Variants in GALNTL6 observed in about 807,000 individuals in gnomAD.
GALNTL6 encodes polypeptide N-acetylgalactosaminyltransferase-like 6.
In GALNTL6, 46 loss-of-function variants were observed where a neutral mutation model predicts 73.7. That is an observed-to-expected ratio of 0.62 (90% CI 0.49 to 0.80). The LOEUF (loss-of-function observed/expected upper bound fraction) is 0.80, where lower values mean the gene tolerates loss of function less well. Among genes scored for constraint, GALNTL6 ranks in the 30% least tolerant of loss-of-function variants. The probability of loss-of-function intolerance (pLI) is 0.00; values close to 1 mark genes in which losing one functional copy is unlikely to be tolerated. For missense variants in GALNTL6, 604 were observed against 755.0 expected, an observed-to-expected ratio of 0.80 and a Z score of 2.34; for synonymous variants, 259 against 263.7, an observed-to-expected ratio of 0.98 and a Z score of 0.17.
chr4:172,107,750 A>G (rs1339916604), intron 2 of GALNTL6, among the ~76,000 whole-genome samples: 2 of 151,778 alleles, frequency 1.3e-5, no homozygotes, highest in African/African-American at 2.4e-5. Context: ...TGGGTGCAGC[A>G]CACCAACATG....
rs185982102 is a variant in GALNTL6 at position 172,143,101 on chromosome 4, A to G, written c.139-86555A>G. 2.6e-5 allele frequency among the ~76,000 whole-genome samples: 4 copies of G among 152,154 alleles called. No individual in the cohort carries two copies. The East Asian group carries it at 7.7e-4, about 29-fold the overall frequency. On this transcript the variant is annotated intron_variant, in intron 2 of 12. Transcript: ENST00000506823. ...TTGGATACTGGAGAAATAGCAAGAA[A>G]ATCAATCAAGTCCCTGTATTTAGGG...
Position 173,021,678 on chromosome 4 carries a change from C to T in GALNTL6, c.1638+53C>T, listed in dbSNP as rs2126516300. On this transcript the variant is annotated intron_variant, in intron 12 of 12. Transcript: ENST00000506823. ...TCAAATTACTGTGGTTTAAGTTATT[C>T]TTACTCAGTTTTCTTTGAAAACACA... 3 of 1,581,150 alleles carry T rather than the reference C, an allele frequency of 1.9e-6. No homozygotes were observed. The East Asian group carries it at 6.8e-5, about 36-fold the overall frequency.
chr4:171,847,866 C>T (rs1314884500), intron 2 of GALNTL6, among the ~76,000 whole-genome samples: 2 of 152,142 alleles, frequency 1.3e-5, no homozygotes, highest in African/African-American at 4.8e-5. Flanking sequence ...TCCTCAAAGT[C>T]ATCCATGAGC....
intron 5 of GALNTL6, among the ~76,000 whole-genome samples, chr4:172,653,164 A>G (rs1740559425): frequency 6.6e-6 from 1 of 151,346 alleles, no homozygotes; most frequent in Non-Finnish European, 1.5e-5. Flanking sequence ...TTTCTTCAAC[A>G]AATTTTGTCC....
chr4:172,970,826 A>G (rs1750546973), intron 10 of GALNTL6, among the ~76,000 whole-genome samples: 1 of 152,242 alleles, frequency 6.6e-6, no homozygotes, highest in Non-Finnish European at 1.5e-5. Flanking sequence ...ATCTCCATGA[A>G]GTCGTCACAA....
In GALNTL6 at chr4:172,438,289, T is replaced by C. The variant is rs1731708989; in HGVS notation, c.553+89600T>C. Reference sequence around the variant, plus strand: ...TCACCTTCAGGCAATCATATGGTCATGCTTTCAGTATAGATCTTGTCATTT... The same window carrying C: ...TCACCTTCAGGCAATCATATGGTCACGCTTTCAGTATAGATCTTGTCATTT... On this transcript the variant is annotated intron_variant, in intron 5 of 12. Transcript: ENST00000506823. 2.0e-5 allele frequency among the ~76,000 whole-genome samples: 3 copies of C among 152,130 alleles called. No homozygotes were observed. In the South Asian group the frequency reaches 6.2e-4, roughly 31 times the overall value.
intron 2 of GALNTL6, among the ~76,000 whole-genome samples, chr4:171,969,961 G>C (rs1030558969): frequency 6.6e-6 from 1 of 152,018 alleles, no homozygotes; most frequent in African/African-American, 2.4e-5. Flanking sequence ...AGTAGACACG[G>C]GATTTCACCA....
chr4:171,968,839 G>GGT lies in GALNTL6; in HGVS notation c.138+154123_138+154124dup, dbSNP rs1739471061. On this transcript the variant is annotated intron_variant, in intron 2 of 12. Transcript: ENST00000506823. ...CTTGTTCTATTTTTTTTTTGTGCGG[G>GGT]GTGGGGGGGGGGTTGGGGACAGAGT... 4.3e-5 allele frequency among the ~76,000 whole-genome samples: 5 copies of GGT among 115,048 alleles called. No homozygotes were observed. In the South Asian group the frequency reaches 1.6e-3, roughly 36 times the overall value. The allele number at this position is 115,048 out of a possible 152,430, so 75.5% of individuals were successfully genotyped here. A position where few individuals can be genotyped will look rare whatever the true frequency, so the allele number is the denominator to read the frequency against.
intron 5 of GALNTL6, among the ~76,000 whole-genome samples, chr4:172,522,267 A>G (rs1295110928): frequency 1.3e-5 from 2 of 152,232 alleles, no homozygotes; most frequent in Non-Finnish European, 2.9e-5. Flanking sequence ...AGTAATTATT[A>G]AAAGGCACAA....
chr4:171,953,092 T>C lies in GALNTL6; in HGVS notation c.138+138374T>C, dbSNP rs578155259. On this transcript the variant is annotated intron_variant, in intron 2 of 12. Coordinates refer to ENST00000506823, the MANE Select transcript of GALNTL6 (RefSeq NM_001034845.3). The stretch of plus-strand genomic sequence containing the variant: ...GGCGTAAGGACATAATGTTGAAAAG[T>C]ATACTTTACTGAAAGGCAATGAAAA... Among the ~76,000 whole-genome samples the C allele has an allele frequency of 2.6e-5, 4 of 152,212 alleles. No homozygotes were observed. The South Asian group carries it at 8.3e-4, about 32-fold the overall frequency.
intron 2 of GALNTL6, among the ~76,000 whole-genome samples, chr4:172,193,231 C>T (rs960630755): frequency 1.1e-4 from 16 of 152,306 alleles, no homozygotes; most frequent in South Asian, 2.1e-4. Flanking sequence ...GACCCCCCAC[C>T]GACAGGGGTC....
At chr4:171,825,179 C>A (rs1734790860) in intron 2 of GALNTL6, among the ~76,000 whole-genome samples, 1 of 152,140 alleles carries the variant, frequency 6.6e-6, no homozygotes, top group Non-Finnish European at 1.5e-5. Flanking sequence ...ATTATTTCAT[C>A]TAACTTGAGT....
intron 5 of GALNTL6, among the ~76,000 whole-genome samples, chr4:172,417,538 A>T (rs1730888689): frequency 6.6e-6 from 1 of 152,130 alleles, no homozygotes; most frequent in Non-Finnish European, 1.5e-5. Flanking sequence ...AATTCCAGCT[A>T]CTTGGAAAGC....
At position 171,915,309 on chromosome 4, in the gene GALNTL6, T is replaced by G. The variant is rs538104896; in HGVS notation, c.138+100591T>G. The stretch of plus-strand genomic sequence containing the variant: ...AAATAAATGCATGGATGTATACATA[T>G]TGTCTGTAGTTAATCCCTTCTGATT... On this transcript the variant is annotated intron_variant, in intron 2 of 12. Transcript: ENST00000506823. 5.3e-5 allele frequency among the ~76,000 whole-genome samples: 8 copies of G among 152,260 alleles called. No homozygotes were observed. In the East Asian group the frequency reaches 1.5e-3, roughly 29 times the overall value.
At chr4:172,758,591 G>GTATATCTAAA (rs1737888328) in intron 5 of GALNTL6, among the ~76,000 whole-genome samples, 1 of 152,188 alleles carries the variant, frequency 6.6e-6, no homozygotes, top group Non-Finnish European at 1.5e-5. Flanking sequence ...ATCCCCATCA[G>GTATATCTAAA]TATATCTAAA....
Position 172,943,821 on chromosome 4 carries a change from G to T in GALNTL6, c.1150-8216G>T, listed in dbSNP as rs190639125. Among the ~76,000 whole-genome samples the T allele has an allele frequency of 3.5e-3, 528 of 152,298 alleles. 2 individuals carry two copies. Among genetic ancestry groups the T allele is most frequent in the African/African-American group, 0.012 (505 of 41,566 alleles). On this transcript the variant is annotated intron_variant, in intron 9 of 12. Transcript: ENST00000506823. ...GAATCTATTTCTGGAAGAGAAGAGAGAGCCCAGAAATGGATTCTTCAAATG... is the reference window on the plus strand; with the variant it reads ...GAATCTATTTCTGGAAGAGAAGAGATAGCCCAGAAATGGATTCTTCAAATG...
intron 5 of GALNTL6, among the ~76,000 whole-genome samples, chr4:172,757,692 C>T (rs1384544449): frequency 6.6e-6 from 1 of 152,140 alleles, no homozygotes; most frequent in Non-Finnish European, 1.5e-5. Flanking sequence ...AGTAACCTGA[C>T]ACATAAAATA....
intron 3 of GALNTL6, among the ~76,000 whole-genome samples, chr4:172,233,381 TAA>T (rs1225860586): frequency 3.2e-5 from 4 of 124,816 alleles, no homozygotes; most frequent in Non-Finnish European, 1.8e-5. Context: ...AATAAATAAA[TAA>T]GCAAGCTTGA....
chr4:172,829,669 A>G (rs912353629), intron 7 of GALNTL6, among the ~76,000 whole-genome samples: 1 of 152,232 alleles, frequency 6.6e-6, no homozygotes, highest in Non-Finnish European at 1.5e-5. Context: ...AACAAAATGC[A>G]GTAGACATAG....
Sources: gnomAD v4.1 joint callset for allele counts (sites outside exome capture counted in the v4.1 genomes callset) on GRCh38, gnomAD v4.1.1 for gene constraint, MANE v1.5 for transcripts, NCBI Gene and HGNC (gene_info 2026-07-23, HGNC 2026-07-21) for gene names.